SEPTIN4: variants seen among roughly 807,000 people sequenced by gnomAD.
SEPTIN4 encodes the protein septin 4.
Under a neutral mutation model 107.1 loss-of-function variants are expected in SEPTIN4, and 52 were observed. The ratio of observed to expected loss-of-function variants is 0.49; its 90% CI spans 0.39 to 0.61. SEPTIN4 has a LOEUF of 0.61. SEPTIN4 is among the 20% of genes least tolerant of loss of function. SEPTIN4 has a pLI of 0.00. For missense variants in SEPTIN4, 1,048 were observed against 1,243.5 expected (o/e 0.84, Z 2.36); for synonymous variants, 417 against 467.0 (o/e 0.89, Z 1.38).
At chr17:58,531,832 G>C in intron 3 of SEPTIN4, 9 of 904,636 alleles carry the variant, frequency 9.9e-6, no homozygotes, top group Non-Finnish European at 1.2e-5. Context: ...CCCGGGGCCG[G>C]CGACGGCGCC....
chr17:58,543,370 G>A lies in SEPTIN4; in HGVS notation c.817C>T (p.Leu273Phe). The A allele has an allele frequency of 6.2e-7, 1 of 1,614,212 alleles. No individual in the cohort carries two copies. Among genetic ancestry groups the A allele is most frequent in the Non-Finnish European group, 8.5e-7 (1 of 1,180,038 alleles). Residue 273 changes from leucine to phenylalanine, a missense_variant, in exon 1 of 14, where the codon CTC becomes TTC. By Grantham distance (22) the Leu-to-Phe change is conservative. Around this residue, in one of 2 missense-constraint regions of SEPTIN4, gnomAD observed 787 missense variants for 871.8 expected, o/e 0.90. Coordinates refer to ENST00000672673, the MANE Select transcript of SEPTIN4 (RefSeq NM_001368771.2). ...GAATCTTTAAGGACAGAGAGTTTGA[G>A]CAATGAGTCCAAGTTCATATTCCTA... ...LYRNMNLDSLLKLSVLKDSDG... is the reference protein window; with the variant it reads ...LYRNMNLDSLFKLSVLKDSDG...
intron 2 of SEPTIN4, 45 bp downstream of exon 2, chr17:58,541,877 C>T (rs1462335729): frequency 1.2e-6 from 2 of 1,614,136 alleles, no homozygotes; most frequent in Admixed American, 1.7e-5. Context: ...GTCCTCCCAT[C>T]CCCCAAGCTC....
intron 6 of SEPTIN4, 53 bp downstream of exon 6, chr17:58,525,642 G>A (rs1025347885): frequency 1.3e-6 from 2 of 1,506,966 alleles, no homozygotes; most frequent in Admixed American, 3.3e-5. Context: ...AGACTCTGGA[G>A]TGAGTTTAAT....
In SEPTIN4 at chr17:58,543,422, T is replaced by G; in HGVS notation, c.765A>C (p.Pro255=). The change falls in exon 1 of 14, where the codon CCA becomes CCC. Residue 255 remains proline (P), a synonymous_variant. Coordinates refer to ENST00000672673, the MANE Select transcript of SEPTIN4 (RefSeq NM_001368771.2). The part of the protein sequence containing the change: ...VEESETGPYG[P]IPSKPKALYR... ...ACAAGGCCTTGGGTTTTGAAGGAAT[T>G]GGACCGTAAGGACCTGTTTCTGATT... is the stretch of plus-strand genomic sequence containing the variant. 1 of 1,614,206 alleles carries G rather than the reference T, an allele frequency of 6.2e-7. No individual in the cohort carries two copies. Among genetic ancestry groups the G allele is most frequent in the Non-Finnish European group, 8.5e-7 (1 of 1,180,028 alleles).
At chr17:58,520,700 T>C in intron 13 of SEPTIN4, 43 bp downstream of exon 13, 2 of 1,608,946 alleles carry the variant, frequency 1.2e-6, no homozygotes, top group Non-Finnish European at 1.7e-6. Context: ...CCAACGTTGG[T>C]GATCAAACAG....
chr17:58,541,152 G>A (rs1215231368), intron 2 of SEPTIN4, among the ~76,000 whole-genome samples: 1 of 152,192 alleles, frequency 6.6e-6, no homozygotes, highest in Non-Finnish European at 1.5e-5. Flanking sequence ...GTTCATGCTG[G>A]TTGGGATTGG....
chr17:58,527,991 C>A, intron 3 of SEPTIN4: 1 of 985,640 alleles, frequency 1.0e-6, no homozygotes, highest in Non-Finnish European at 1.2e-6. Flanking sequence ...CAGCTCTAGA[C>A]CCTAAAGATT....
chr17:58,540,907 T>A lies in SEPTIN4; in HGVS notation c.1607-234A>T, dbSNP rs138965514. On this transcript the variant is annotated intron_variant, in intron 2 of 13. Coordinates refer to ENST00000672673, the MANE Select transcript of SEPTIN4 (RefSeq NM_001368771.2). Reference sequence around the variant, plus strand: ...TTTTATTGGTAATAACTTGTAATAATCCTCACAATAACCCTAAGAGGGAGC... The same window carrying A: ...TTTTATTGGTAATAACTTGTAATAAACCTCACAATAACCCTAAGAGGGAGC... 862 of 387,294 alleles carry A rather than the reference T, an allele frequency of 2.2e-3. 2 individuals are homozygous for A. Among genetic ancestry groups the A allele is most frequent in the Non-Finnish European group, 3.4e-3 (740 of 218,912 alleles). 24.0% of individuals were successfully genotyped at this position (387,294 alleles called of 1,614,324 possible).
Position 58,542,926 on chromosome 17 carries a change from A to G in SEPTIN4, c.1261T>C (p.Tyr421His). The G allele has an allele frequency of 6.2e-7, 1 of 1,614,198 alleles. No individual in the cohort carries two copies. Among genetic ancestry groups the G allele is most frequent in the Non-Finnish European group, 8.5e-7 (1 of 1,180,026 alleles). ...RPLPPRSLPR[Y>H]GPDSSWWPLL... Reference sequence around the variant, plus strand: ...GGCCACCATGAGGAGTCAGGTCCGTACCTAGGTAAGGACCGAGGAGGCAAG... The same window carrying G: ...GGCCACCATGAGGAGTCAGGTCCGTGCCTAGGTAAGGACCGAGGAGGCAAG... Residue 421 changes from tyrosine to histidine, a missense_variant, in exon 1 of 14, where the codon TAC (tyrosine) becomes CAC (histidine). By Grantham distance (83) the Tyr-to-His change is moderately conservative. Coordinates refer to ENST00000672673, the MANE Select transcript of SEPTIN4 (RefSeq NM_001368771.2).
rs1469866579 is a variant in SEPTIN4 at position 58,521,961 on chromosome 17, C to A, written c.2351+6G>T. ...TGGTGCCAGGAGCCTCAGGCTTGGA[C>A]CATACCCATGGCCGAAGGGTGAGAT... is the stretch of plus-strand genomic sequence containing the variant. On this transcript the variant is annotated splice_donor_region_variant and intron_variant, in intron 8 of 13. Coordinates refer to ENST00000672673, the MANE Select transcript of SEPTIN4 (RefSeq NM_001368771.2). The surrounding 1 kb of genome is among the most constrained non-coding windows in gnomAD (Gnocchi z 6.4). The A allele has an allele frequency of 6.2e-7, 1 of 1,614,242 alleles. No homozygotes were observed. Among genetic ancestry groups the A allele is most frequent in the African/African-American group, 1.3e-5 (1 of 75,062 alleles).
chr17:58,535,188 C>T (rs2043666827), intron 3 of SEPTIN4, among the ~76,000 whole-genome samples: 1 of 152,242 alleles, frequency 6.6e-6, no homozygotes, highest in South Asian at 2.1e-4. Context: ...AAATCTTCCC[C>T]CAGCTGCTGC....
intron 5 of SEPTIN4, 58 bp from the exon 6 acceptor site, chr17:58,525,839 C>G: frequency 7.1e-7 from 1 of 1,417,010 alleles, no homozygotes; most frequent in East Asian, 2.3e-5. Flanking sequence ...AGCCAAAAAG[C>G]AACTCCACTG....
In SEPTIN4 at chr17:58,543,518, A is replaced by C; in HGVS notation, c.669T>G (p.Ser223=). Residue 223 remains serine (S), a synonymous_variant, in exon 1 of 14, where the codon TCT becomes TCG. Coordinates refer to ENST00000672673, the MANE Select transcript of SEPTIN4 (RefSeq NM_001368771.2). Reference sequence around the variant, plus strand: ...CACAGCTGCTTCCGTGCTCTAGGAGAGAGGGACTCCTTGGAGATCTGATCT... The same window carrying C: ...CACAGCTGCTTCCGTGCTCTAGGAGCGAGGGACTCCTTGGAGATCTGATCT... ...TSEIRSPRSP[S]LLEHGSSCVS... is the part of the protein sequence containing the mutation. The C allele has an allele frequency of 6.2e-7, 1 of 1,614,052 alleles. No homozygotes were observed. Among genetic ancestry groups the C allele is most frequent in the Non-Finnish European group, 8.5e-7 (1 of 1,180,020 alleles).
intron 3 of SEPTIN4, chr17:58,531,915 C>A: frequency 5.3e-6 from 6 of 1,133,782 alleles, no homozygotes; most frequent in South Asian, 4.3e-5. Context: ...CGGCCCTGCG[C>A]ACCCCAGCCC....
In SEPTIN4 at chr17:58,543,188, G is replaced by A; in HGVS notation, c.999C>T (p.Arg333=). Residue 333 remains arginine (R), a synonymous_variant, in exon 1 of 14, where the codon CGC becomes CGT. Transcript: ENST00000672673. Reference sequence around the variant, plus strand: ...GTACCCCTGGGGAGATGGTGACCCTGCGGCCAACCTCGCTGTTTCCTCGGA... The same window carrying A: ...GTACCCCTGGGGAGATGGTGACCCTACGGCCAACCTCGCTGTTTCCTCGGA... ...TPIRGNSEVG[R]RVTISPGVQS... 1 of 1,614,124 alleles carries A rather than the reference G, an allele frequency of 6.2e-7. No homozygotes were observed.
rs774456741 is a variant in SEPTIN4, at chr17:58,525,185, A to G, written c.2109T>C (p.Thr703=). Residue 703 remains threonine, a synonymous_variant, in exon 7 of 14, where the codon ACT becomes ACC. Coordinates refer to ENST00000672673, the MANE Select transcript of SEPTIN4 (RefSeq NM_001368771.2). ...CCACTGCATGCTTAGTGATCTCCAC[A>G]GTTTGCATGATCCTCTCTGGAGAAA... The part of the protein sequence containing the change: ...LLGAEERIMQ[T]VEITKHAVDI... 3 of 1,614,074 alleles carry G rather than the reference A, an allele frequency of 1.9e-6. No homozygotes were observed. The highest frequency in any genetic ancestry group is 2.5e-6 in the Non-Finnish European group (3 of 1,180,034).
chr17:58,536,407 A>C (rs920073095), intron 3 of SEPTIN4, among the ~76,000 whole-genome samples: 5 of 152,342 alleles, frequency 3.3e-5, no homozygotes, highest in Admixed American at 6.5e-5. Flanking sequence ...TAATAGGTGT[A>C]GAGAGATGGG....
chr17:58,523,454 A>G (rs1040854695), intron 7 of SEPTIN4, among the ~76,000 whole-genome samples: 5 of 151,884 alleles, frequency 3.3e-5, no homozygotes, highest in Middle Eastern at 3.4e-3. Flanking sequence ...TTCTCTACCC[A>G]CCTGAACCCC....
In SEPTIN4 at chr17:58,525,744, G is replaced by T. The variant is rs1458766084; in HGVS notation, c.2043C>A (p.Ser681Arg). ...CCCGGTACAGATCAGTGAGGAAGAG[G>T]CTATTGACAAGTGTGGATTTGCCCA... ...SGLGKSTLVN[S>R]LFLTDLYRDR... The change falls in exon 6 of 14, where the codon AGC becomes AGA. Residue 681 changes from serine (S) to arginine (R), a missense_variant. By Grantham distance (110) the Ser-to-Arg change is moderately radical. Around this residue, in one of 2 missense-constraint regions of SEPTIN4, gnomAD observed 787 missense variants for 871.8 expected, o/e 0.90. Coordinates refer to ENST00000672673, the MANE Select transcript of SEPTIN4 (RefSeq NM_001368771.2). 1 of 1,614,166 alleles carries T rather than the reference G, an allele frequency of 6.2e-7. No homozygotes were observed. Among genetic ancestry groups the T allele is most frequent in the Non-Finnish European group, 8.5e-7 (1 of 1,180,004 alleles).
Sources: allele counts gnomAD v4.1 joint callset (sites outside exome capture counted in the v4.1 genomes callset), GRCh38; gene constraint gnomAD v4.1.1; regional missense constraint gnomAD v4.1.1; non-coding constraint Gnocchi (gnomAD v3.1); transcripts MANE v1.5; gene names NCBI Gene and HGNC (gene_info 2026-07-23, HGNC 2026-07-21).